Variants in SNRPN observed in about 807,000 individuals in gnomAD.
The protein encoded by SNRPN is small nuclear ribonucleoprotein polypeptide N, also known as small nuclear ribonucleoprotein-associated protein N.
A neutral mutation model predicts 25.2 loss-of-function variants in SNRPN; 7 were observed. That is an observed-to-expected ratio of 0.28 (90% CI 0.16 to 0.52). The LOEUF is 0.52. Ranked by LOEUF, SNRPN falls within the 20% of genes least tolerant of loss-of-function variation. SNRPN has a pLI of 0.96. For synonymous variants in SNRPN, 124 were observed against 110.6 expected (o/e 1.12, Z -0.76); for missense variants, 196 against 322.5 (o/e 0.61, Z 3.00).
intron 2 of SNRPN, among the ~76,000 whole-genome samples, chr15:24,838,305 G>T (rs2051400295): frequency 6.6e-6 from 1 of 152,248 alleles, no homozygotes; most frequent in Non-Finnish European, 1.5e-5. Context: ...AAAGTGCTGG[G>T]ATTACAGGCG....
intron 1 of SNRPN, among the ~76,000 whole-genome samples, chr15:24,881,554 AGGGAGG>A (rs1430118699): frequency 2.6e-4 from 15 of 56,746 alleles, no homozygotes; most frequent in African/African-American, 6.4e-4. Flanking sequence ...AGAGAGAGAG[AGGGAGG>A]GAGGGAGGGA....
At chr15:24,823,925 A>G (rs1003199556) in intron 1 of SNRPN, 9 of 152,114 alleles carry the variant, frequency 5.9e-5, no homozygotes, top group African/African-American at 2.2e-4. Flanking sequence ...TTTAAAACCA[A>G]TTCATATTTT....
chr15:24,974,593 T>C (rs1566974527), intron 4 of SNRPN, 137 bp downstream of exon 4: 5 of 853,772 alleles, frequency 5.9e-6, no homozygotes, highest in Non-Finnish European at 1.0e-5. Flanking sequence ...CTCATTGCAT[T>C]GAGTATCAGC....
intron 2 of SNRPN, among the ~76,000 whole-genome samples, chr15:24,840,198 A>T (rs1298650922): frequency 2.0e-5 from 3 of 152,150 alleles, no homozygotes; most frequent in African/African-American, 7.2e-5. Flanking sequence ...TCTCTACTAA[A>T]AATAGAAAAA....
At chr15:24,913,878 A>G (rs2059365828) in intron 2 of SNRPN, among the ~76,000 whole-genome samples, 1 of 152,250 alleles carries the variant, frequency 6.6e-6, no homozygotes, top group African/African-American at 2.4e-5. Flanking sequence ...CATCTTCAGC[A>G]GAGAACCGTA....
Position 24,976,326 on chromosome 15 carries a change from A to T in SNRPN, c.177A>T (p.Pro59=). The part of the protein sequence containing the change: ...RKIKPKNAKQ[P]EREEKRVLGL... ...GTAGGCCAAAGAATGCGAAGCAACC[A>T]GAGCGTGAAGAAAAGCGGGTTTTGG... The change falls in exon 6 of 10, where the codon CCA becomes CCT. Residue 59 remains proline (P), a synonymous_variant. Transcript: ENST00000390687. The T allele has an allele frequency of 6.2e-7, 1 of 1,613,742 alleles. No individual in the cohort carries two copies. Among genetic ancestry groups the T allele is most frequent in the African/African-American group, 1.3e-5 (1 of 75,038 alleles).
intron 3 of SNRPN, among the ~76,000 whole-genome samples, chr15:24,925,454 A>G (rs1018908197): frequency 6.6e-6 from 1 of 152,046 alleles, no homozygotes; most frequent in African/African-American, 2.4e-5. Flanking sequence ...TACAAAAAGA[A>G]AAATGTATGA....
chr15:24,860,242 A>T (rs2053874511), intron 1 of SNRPN, among the ~76,000 whole-genome samples: 1 of 152,218 alleles, frequency 6.6e-6, no homozygotes, highest in African/African-American at 2.4e-5. Flanking sequence ...TCAAATTTTT[A>T]AAATTACCTC....
exon 2 of SNRPN, chr15:24,829,865 A>T (rs932506196): frequency 3.3e-5 from 5 of 152,120 alleles, no homozygotes; most frequent in African/African-American, 9.7e-5. Flanking sequence ...TGAAAGATAC[A>T]CCACAGGGTG....
intron 3 of SNRPN, among the ~76,000 whole-genome samples, chr15:24,924,108 A>G (rs1407483615): frequency 6.6e-6 from 1 of 151,266 alleles, no homozygotes; most frequent in Non-Finnish European, 1.5e-5. Context: ...CTTTCTGAGA[A>G]TTCAATAATT....
intron 1 of SNRPN, among the ~76,000 whole-genome samples, chr15:24,960,963 T>A (rs1284068164): frequency 6.6e-6 from 1 of 152,164 alleles, no homozygotes; most frequent in Non-Finnish European, 1.5e-5. Context: ...TTTTTCATTG[T>A]TTGGATTTTC....
At chr15:24,833,925 C>CTTTAT (rs1217795906) in intron 2 of SNRPN, among the ~76,000 whole-genome samples, 1 of 151,998 alleles carries the variant, frequency 6.6e-6, no homozygotes, top group Non-Finnish European at 1.5e-5. Context: ...CATTGCATTT[C>CTTTAT]TTTATTTTAT....
At chr15:24,856,565 C>T (rs1477720472) in exon 1 of SNRPN, 8 of 152,242 alleles carry the variant, frequency 5.3e-5, no homozygotes, top group African/African-American at 1.9e-4. Context: ...GAGCTCAGAG[C>T]CTTCTGTGGG....
intron 1 of SNRPN, among the ~76,000 whole-genome samples, chr15:24,961,002 T>A (rs1470921722): frequency 6.6e-6 from 1 of 152,214 alleles, no homozygotes; most frequent in Non-Finnish European, 1.5e-5. Context: ...ACTAGAAACT[T>A]AGCTGTATGT....
At chr15:24,954,836 C>A (rs1273770190), upstream of SNRPN, 5 of 649,338 alleles carry the variant, frequency 7.7e-6, no homozygotes, top group African/African-American at 9.1e-5. Flanking sequence ...GGTCCAGTAG[C>A]CCCCTCCCCC....
intron 2 of SNRPN, chr15:24,848,231 T>TGGCGGCGGC (rs1566821386): frequency 2.1e-5 from 2 of 95,434 alleles, no homozygotes; most frequent in Non-Finnish European, 4.0e-5. Context: ...GGGGCGGCGG[T>TGGCGGCGGC]GGGGGCGGGG....
upstream of SNRPN, among the ~76,000 whole-genome samples, chr15:24,853,455 G>A (rs147213846): frequency 1.4e-3 from 211 of 151,326 alleles, no homozygotes; most frequent in Middle Eastern, 0.02. Flanking sequence ...GTGCAGTGAC[G>A]CGATCTCGGC....
At chr15:24,870,653 C>G (rs548381238) in intron 1 of SNRPN, among the ~76,000 whole-genome samples, 1 of 149,754 alleles carries the variant, frequency 6.7e-6, no homozygotes, top group East Asian at 1.9e-4. Context: ...ACTTCTTGGA[C>G]CTTTAGATGC....
intron 1 of SNRPN, among the ~76,000 whole-genome samples, chr15:24,955,760 G>A (rs1182543610): frequency 6.6e-6 from 1 of 151,612 alleles, no homozygotes; most frequent in African/African-American, 2.4e-5. Flanking sequence ...CGGCGACAGT[G>A]GGTATTGGCG....
Sources: allele counts gnomAD v4.1 joint callset (sites outside exome capture counted in the v4.1 genomes callset), GRCh38; gene constraint gnomAD v4.1.1; transcripts MANE v1.5; gene names NCBI Gene and HGNC (gene_info 2026-07-23, HGNC 2026-07-21).